MEIS1: variants seen among roughly 807,000 people sequenced by gnomAD.
MEIS1 encodes the protein homeobox protein Meis1.
A neutral mutation model predicts 50.8 loss-of-function variants in MEIS1; 5 were observed. That is an observed-to-expected ratio of 0.10 (90% CI 0.05 to 0.21). The LOEUF is 0.21. Among genes scored for constraint, MEIS1 ranks in the 10% least tolerant of loss-of-function variants. The pLI is 1.00. For synonymous variants in MEIS1, 176 were observed against 179.3 expected (o/e 0.98, Z 0.15); for missense variants, 318 against 517.3 (o/e 0.61, Z 3.74).
chr2:66,529,684 G>T (rs1233293329), intron 8 of MEIS1, among the ~76,000 whole-genome samples: 2 of 152,186 alleles, frequency 1.3e-5, no homozygotes, highest in Non-Finnish European at 2.9e-5. Flanking sequence ...AGGCAGCAAA[G>T]GTAGATCCTT....
intron 9 of MEIS1, among the ~76,000 whole-genome samples, chr2:66,562,344 C>T (rs1282839632): frequency 6.6e-6 from 1 of 150,736 alleles, no homozygotes; most frequent in East Asian, 1.9e-4. Context: ...GAAAACTATT[C>T]AGGTATCCAA....
chr2:66,522,190 C>T (rs774511307), intron 8 of MEIS1, among the ~76,000 whole-genome samples: 6 of 152,164 alleles, frequency 3.9e-5, no homozygotes, highest in Admixed American at 6.5e-5. Context: ...GCCATTTGTA[C>T]CATCAAAGGG....
intron 7 of MEIS1, among the ~76,000 whole-genome samples, chr2:66,510,685 C>CA (rs570001418): frequency 4.8e-4 from 71 of 149,370 alleles, no homozygotes; most frequent in Non-Finnish European, 9.2e-4. Flanking sequence ...CAAGTTAAGG[C>CA]AATTGAAAAA....
intron 6 of MEIS1, among the ~76,000 whole-genome samples, chr2:66,453,206 A>C (rs993459914): frequency 1.3e-5 from 2 of 151,998 alleles, no homozygotes; most frequent in Non-Finnish European, 2.9e-5. Flanking sequence ...ATAGAAAAAT[A>C]GGAGAACAAA....
chr2:66,486,318 G>A (rs1196599802), intron 7 of MEIS1, among the ~76,000 whole-genome samples: 1 of 152,048 alleles, frequency 6.6e-6, no homozygotes, highest in African/African-American at 2.4e-5. Flanking sequence ...CTGCATATGG[G>A]TAGCCAGTTT....
intron 7 of MEIS1, among the ~76,000 whole-genome samples, chr2:66,473,650 A>T (rs1176874291): frequency 6.6e-6 from 1 of 152,074 alleles, no homozygotes; most frequent in Admixed American, 6.5e-5. Flanking sequence ...TGCTAATTCT[A>T]ATTGAAGTTA....
chr2:66,537,809 G>C (rs139989120), intron 8 of MEIS1, among the ~76,000 whole-genome samples: 2,781 of 152,228 alleles, frequency 0.018, 36 homozygotes, highest in South Asian at 0.043. Flanking sequence ...CTTCAGGCTG[G>C]TGTTAGGTCT....
At chr2:66,459,894 C>T (rs929193816) in intron 6 of MEIS1, among the ~76,000 whole-genome samples, 11 of 152,028 alleles carry the variant, frequency 7.2e-5, no homozygotes, top group Non-Finnish European at 2.9e-5. Flanking sequence ...GAGATGGTTT[C>T]GCAGGTAGTT....
intron 12 of MEIS1, 66 bp downstream of exon 12, chr2:66,569,211 A>G: frequency 7.5e-7 from 1 of 1,341,514 alleles, no homozygotes; most frequent in Non-Finnish European, 1.0e-6. Flanking sequence ...GCATTTTCTT[A>G]TGTTCTCCTT....
intron 7 of MEIS1, among the ~76,000 whole-genome samples, chr2:66,494,195 A>C (rs930602113): frequency 1.3e-5 from 2 of 152,232 alleles, no homozygotes; most frequent in Non-Finnish European, 2.9e-5. Context: ...CAAATCGATC[A>C]CTTGTTCCAT....
chr2:66,563,727 A>G (rs532329546), intron 9 of MEIS1, among the ~76,000 whole-genome samples: 1 of 152,312 alleles, frequency 6.6e-6, no homozygotes, highest in South Asian at 2.1e-4. Context: ...TTTGACTTAT[A>G]GTGGGAGGAG....
At position 66,457,207 on chromosome 2, in the gene MEIS1, A is replaced by G. The variant is rs757855325; in HGVS notation, c.631-6902A>G. Among the ~76,000 whole-genome samples, 91 of 149,128 alleles carry G rather than the reference A, an allele frequency of 6.1e-4. 1 individual carries two copies. The highest frequency in any genetic ancestry group is 1.3e-4 in the Admixed American group (2 of 15,012). Reference sequence around the variant, plus strand: ...AAATCCACATAACTTTTTTTCCAGAATTACCTGAATTTGAAATTGAGTAGA... The same window carrying G: ...AAATCCACATAACTTTTTTTCCAGAGTTACCTGAATTTGAAATTGAGTAGA... On this transcript the variant is annotated intron_variant, in intron 6 of 12. Transcript: ENST00000272369.
intron 7 of MEIS1, among the ~76,000 whole-genome samples, chr2:66,485,734 T>C (rs1673125641): frequency 6.6e-6 from 1 of 152,248 alleles, no homozygotes; most frequent in African/African-American, 2.4e-5. Context: ...AAATCATTCC[T>C]ATTTCTCTAC....
intron 8 of MEIS1, among the ~76,000 whole-genome samples, chr2:66,537,756 T>C (rs1674557039): frequency 6.6e-6 from 1 of 152,214 alleles, no homozygotes; most frequent in African/African-American, 2.4e-5. Flanking sequence ...TACTTAATGG[T>C]TTCAAAATCC....
chr2:66,569,815 G>A (rs771303857), intron 12 of MEIS1: 2 of 152,654 alleles, frequency 1.3e-5, no homozygotes, highest in Non-Finnish European at 2.9e-5. Flanking sequence ...ATCACTTGCA[G>A]TGTGACAAAT....
chr2:66,550,080 T>C (rs377175893), intron 9 of MEIS1, among the ~76,000 whole-genome samples: 5 of 152,196 alleles, frequency 3.3e-5, no homozygotes, highest in African/African-American at 9.6e-5. Context: ...TAATTCACAC[T>C]CTAAAATAAT....
intron 7 of MEIS1, among the ~76,000 whole-genome samples, chr2:66,487,623 T>C (rs1673174709): frequency 6.6e-6 from 1 of 152,190 alleles, no homozygotes; most frequent in South Asian, 2.1e-4. Flanking sequence ...GTGTATTTCA[T>C]TCTGGGAACT....
chr2:66,556,917 G>T, intron 9 of MEIS1, among the ~76,000 whole-genome samples: 1 of 151,548 alleles, frequency 6.6e-6, no homozygotes, highest in East Asian at 1.9e-4. Context: ...CTTGGGGCGG[G>T]GTGGGAGGGG....
intron 7 of MEIS1, among the ~76,000 whole-genome samples, chr2:66,476,071 G>T (rs1672886085): frequency 6.6e-6 from 1 of 152,146 alleles, no homozygotes; most frequent in African/African-American, 2.4e-5. Context: ...TGGGGTTGAG[G>T]ATGCTGTTGT....
Sources: gnomAD v4.1 joint callset for allele counts (sites outside exome capture counted in the v4.1 genomes callset) on GRCh38, gnomAD v4.1.1 for gene constraint, MANE v1.5 for transcripts, NCBI Gene and HGNC (gene_info 2026-07-23, HGNC 2026-07-21) for gene names.